The following ROBO1 variants were observed in gnomAD, a reference collection of about 807,000 sequenced individuals.
ROBO1 encodes roundabout homolog 1.
In ROBO1, 149 loss-of-function variants were observed where a neutral mutation model predicts 195.9. That is an observed-to-expected ratio of 0.76 (90% CI 0.67 to 0.87). The LOEUF is 0.87. Ranked by LOEUF, ROBO1 falls within the 40% of genes least tolerant of loss-of-function variation. The pLI, the probability that ROBO1 is intolerant of heterozygous loss-of-function variation, is 0.00. For synonymous variants in ROBO1, 816 were observed against 733.2 expected, an observed-to-expected ratio of 1.11 and a Z score of -1.82; for missense variants, 1,933 against 2,068.3, an observed-to-expected ratio of 0.93 and a Z score of 1.27.
chr3:79,069,525 C>A (rs939896878), intron 3 of ROBO1, among the ~76,000 whole-genome samples: 1 of 151,926 alleles, frequency 6.6e-6, no homozygotes, highest in Admixed American at 6.6e-5. Flanking sequence ...ACAATGACAT[C>A]CTTTTGCTCT....
chr3:79,101,899 A>G (rs1402468287), intron 3 of ROBO1, among the ~76,000 whole-genome samples: 1 of 151,916 alleles, frequency 6.6e-6, no homozygotes, highest in Non-Finnish European at 1.5e-5. Flanking sequence ...AAATGCAAAC[A>G]AGTTTTGTCA....
At chr3:78,809,987 T>A (rs1406981964) in intron 4 of ROBO1, among the ~76,000 whole-genome samples, 61 of 139,912 alleles carry the variant, frequency 4.4e-4, no homozygotes, top group Non-Finnish European at 7.8e-4. Flanking sequence ...TAAAGTATAG[T>A]AAAAAAAAAA....
intron 4 of ROBO1, among the ~76,000 whole-genome samples, chr3:78,852,156 C>A (rs1163267074): frequency 6.6e-6 from 1 of 152,010 alleles, no homozygotes; most frequent in Non-Finnish European, 1.5e-5. Context: ...TTAATGGTTT[C>A]TATCAATCCC....
Position 78,945,884 on chromosome 3 carries a change from G to A in ROBO1, c.173-6957C>T, listed in dbSNP as rs532604375. Among the ~76,000 whole-genome samples, 6 of 152,040 alleles carry A rather than the reference G, an allele frequency of 3.9e-5. No individual in the cohort carries two copies. The South Asian group carries it at 8.3e-4, about 21-fold the overall frequency. On this transcript the variant is annotated intron_variant, in intron 3 of 30. Coordinates refer to ENST00000464233, the MANE Select transcript of ROBO1 (RefSeq NM_002941.4). ...CTACGTGACAACTGTAGAAGCCTCCGTAGACAATGCAATCAACTGGAAGAA... is the reference window on the plus strand; with the variant it reads ...CTACGTGACAACTGTAGAAGCCTCCATAGACAATGCAATCAACTGGAAGAA...
At chr3:79,277,375 A>G (rs1272700527) in intron 2 of ROBO1, among the ~76,000 whole-genome samples, 1 of 152,126 alleles carries the variant, frequency 6.6e-6, no homozygotes, top group East Asian at 1.9e-4. Flanking sequence ...GCACAGAAAG[A>G]CAAACTTCAC....
chr3:79,664,231 T>A (rs1463391652), intron 1 of ROBO1, among the ~76,000 whole-genome samples: 4 of 152,026 alleles, frequency 2.6e-5, no homozygotes, highest in Non-Finnish European at 5.9e-5. Flanking sequence ...TTTCTTTGCT[T>A]GTTTTGTTTT....
intron 4 of ROBO1, among the ~76,000 whole-genome samples, chr3:78,886,703 T>G (rs2036591588): frequency 6.6e-6 from 1 of 152,252 alleles, no homozygotes; most frequent in Middle Eastern, 3.4e-3. Flanking sequence ...CATATACCCA[T>G]ATTTATGAAT....
At chr3:78,615,395 A>G (rs571908201) in intron 27 of ROBO1, among the ~76,000 whole-genome samples, 130 of 152,278 alleles carry the variant, frequency 8.5e-4, no homozygotes, top group African/African-American at 3.0e-3. Context: ...AATATTTGCT[A>G]GTTCTGGATA....
At chr3:79,175,427 T>C (rs1207374992) in intron 2 of ROBO1, among the ~76,000 whole-genome samples, 1 of 152,202 alleles carries the variant, frequency 6.6e-6, no homozygotes, top group Non-Finnish European at 1.5e-5. Flanking sequence ...ATTATAGGCA[T>C]GAGCCACTCT....
intron 3 of ROBO1, among the ~76,000 whole-genome samples, chr3:78,979,697 G>A (rs987478882): frequency 2.0e-5 from 3 of 152,054 alleles, no homozygotes. Flanking sequence ...TCCCCAGAGT[G>A]CAGAGGGAGC....
chr3:79,473,285 G>A (rs1466897666), intron 2 of ROBO1, among the ~76,000 whole-genome samples: 2 of 152,056 alleles, frequency 1.3e-5, no homozygotes, highest in African/African-American at 2.4e-5. Context: ...TGCAGCCCAA[G>A]CCAAAGAATG....
intron 2 of ROBO1, among the ~76,000 whole-genome samples, chr3:79,430,212 C>A (rs1175651235): frequency 1.3e-5 from 2 of 152,014 alleles, no homozygotes; most frequent in Non-Finnish European, 2.9e-5. Context: ...TTTGAAATAT[C>A]TTAAACATGT....
intron 3 of ROBO1, among the ~76,000 whole-genome samples, chr3:78,982,303 G>T (rs1171405781): frequency 6.6e-6 from 1 of 152,120 alleles, no homozygotes; most frequent in Non-Finnish European, 1.5e-5. Context: ...ACTCTCCTAT[G>T]ATTTTCCCGC....
intron 5 of ROBO1, among the ~76,000 whole-genome samples, chr3:78,734,178 A>C (rs2082341712): frequency 6.6e-6 from 1 of 152,106 alleles, no homozygotes; most frequent in Admixed American, 6.5e-5. Context: ...AGTGATTTTC[A>C]AGAGTTGGCG....
intron 2 of ROBO1, among the ~76,000 whole-genome samples, chr3:79,546,030 G>A (rs1942251044): frequency 6.6e-6 from 1 of 151,966 alleles, no homozygotes; most frequent in Admixed American, 6.6e-5. Flanking sequence ...TCTTCAGTAT[G>A]AATATCATGA....
At chr3:79,577,717 A>AAC (rs58998352) in intron 2 of ROBO1, among the ~76,000 whole-genome samples, 19,582 of 140,394 alleles carry the variant, frequency 0.14, 1,305 homozygotes, top group Non-Finnish European at 0.15. Context: ...CTTTACTAAA[A>AAC]ACACACACAC....
intron 18 of ROBO1, among the ~76,000 whole-genome samples, chr3:78,654,662 G>A (rs1044998034): frequency 6.6e-6 from 1 of 152,134 alleles, no homozygotes; most frequent in African/African-American, 2.4e-5. Context: ...ACAGCCACTC[G>A]CTAGCTCAGT....
chr3:79,053,638 A>G (rs949427013), intron 3 of ROBO1, among the ~76,000 whole-genome samples: 1 of 151,810 alleles, frequency 6.6e-6, no homozygotes, highest in African/African-American at 2.4e-5. Flanking sequence ...GACGCTAGTA[A>G]TCACCAGTAC....
intron 1 of ROBO1, among the ~76,000 whole-genome samples, chr3:79,762,620 A>ACACACACACACACACACACC (rs1313055410): frequency 6.8e-6 from 1 of 147,836 alleles, no homozygotes; most frequent in Non-Finnish European, 1.5e-5. Context: ...ACACACACAC[A>ACACACACACACACACACACC]CACACACACA....
Sources: gnomAD v4.1 joint callset for allele counts (sites outside exome capture counted in the v4.1 genomes callset) on GRCh38, gnomAD v4.1.1 for gene constraint, MANE v1.5 for transcripts, NCBI Gene and HGNC (gene_info 2026-07-23, HGNC 2026-07-21) for gene names.